Variants in FAM83B observed in about 807,000 individuals in gnomAD.
FAM83B encodes protein FAM83B.
FAM83B carries 26 observed loss-of-function variants against 38.8 expected under a neutral mutation model. The ratio of observed to expected loss-of-function variants is 0.67; its 90% confidence interval spans 0.49 to 0.93. FAM83B has a LOEUF of 0.93. Among genes scored for constraint, FAM83B ranks in the 40% least tolerant of loss-of-function variants. The probability of loss-of-function intolerance (pLI) is 0.00; values close to 1 mark genes in which losing one functional copy is unlikely to be tolerated. For synonymous variants in FAM83B, 419 were observed against 423.1 expected (o/e 0.99, Z 0.12); for missense variants, 1,237 against 1,197.3 (o/e 1.03, Z -0.49).
intron 4 of FAM83B, among the ~76,000 whole-genome samples, chr6:54,933,955 TGG>T (rs973838867): frequency 6.6e-6 from 1 of 152,018 alleles, no homozygotes; most frequent in Non-Finnish European, 1.5e-5. Context: ...CTGTACCATA[TGG>T]GGGAGGAATA....
At chr6:54,861,372 T>C (rs763559625) in intron 1 of FAM83B, among the ~76,000 whole-genome samples, 1 of 152,166 alleles carries the variant, frequency 6.6e-6, no homozygotes, top group South Asian at 2.1e-4. Flanking sequence ...CTGGCCAACA[T>C]GGCAAAACCC....
intron 1 of FAM83B, among the ~76,000 whole-genome samples, chr6:54,854,971 G>A (rs997461977): frequency 2.0e-5 from 3 of 152,102 alleles, no homozygotes; most frequent in African/African-American, 7.2e-5. Flanking sequence ...CAAGACCAAA[G>A]GGCCGCTTCT....
At chr6:54,910,949 C>T (rs1772894203) in intron 2 of FAM83B, among the ~76,000 whole-genome samples, 1 of 152,022 alleles carries the variant, frequency 6.6e-6, no homozygotes, top group African/African-American at 2.4e-5. Context: ...AAACATGCAA[C>T]ATACAATATC....
Position 54,942,355 on chromosome 6 carries a change from A to T in FAM83B, c.*348A>T, listed in dbSNP as rs1026333257. ...GGATTTTAACCATTTCCTTTTAAAA[A>T]GGTCATACTACCCTCAGTAACCCTT... On this transcript the variant is annotated 3_prime_UTR_variant, in exon 5 of 5. Transcript: ENST00000306858. Among the ~76,000 whole-genome samples, 13 of 152,182 alleles carry T rather than the reference A, an allele frequency of 8.5e-5. 1 individual carries two copies. The highest frequency in any genetic ancestry group is 2.9e-4 in the African/African-American group (12 of 41,456).
intron 4 of FAM83B, among the ~76,000 whole-genome samples, chr6:54,934,678 A>G (rs979445745): frequency 3.9e-5 from 6 of 152,080 alleles, no homozygotes; most frequent in African/African-American, 1.4e-4. Context: ...CTTTCTCTGG[A>G]TTGGTTTCTG....
intron 2 of FAM83B, among the ~76,000 whole-genome samples, chr6:54,879,496 G>T (rs1311199762): frequency 6.6e-6 from 1 of 152,194 alleles, no homozygotes; most frequent in Non-Finnish European, 1.5e-5. Flanking sequence ...CTGGGAAGGG[G>T]TCACGTAGGA....
chr6:54,897,091 T>C (rs1405412028), intron 2 of FAM83B, among the ~76,000 whole-genome samples: 2 of 152,160 alleles, frequency 1.3e-5, no homozygotes, highest in East Asian at 3.9e-4. Flanking sequence ...TTACTGTTAA[T>C]ATTATTGTCA....
Position 54,937,822 on chromosome 6 carries a change from G to A in FAM83B, c.735-1884G>A, listed in dbSNP as rs536854311. The stretch of plus-strand genomic sequence containing the variant: ...AATATAATATCAGTTTTTATGCCAC[G>A]AAGTTTTGACACAGATGTAAAATAC... On this transcript the variant is annotated intron_variant, in intron 4 of 4. Coordinates refer to ENST00000306858, the MANE Select transcript of FAM83B (RefSeq NM_001010872.3). 1.2e-4 allele frequency among the ~76,000 whole-genome samples: 18 copies of A among 152,118 alleles called. No individual in the cohort carries two copies. In the South Asian group the frequency reaches 2.5e-3, roughly 21 times the overall value.
intron 1 of FAM83B, among the ~76,000 whole-genome samples, chr6:54,859,270 C>T (rs1407805005): frequency 6.6e-6 from 1 of 152,184 alleles, no homozygotes; most frequent in Non-Finnish European, 1.5e-5. Context: ...CCATGTTGGC[C>T]AGGCTGGAGT....
At chr6:54,883,511 T>C (rs1435735935) in intron 2 of FAM83B, among the ~76,000 whole-genome samples, 1 of 151,392 alleles carries the variant, frequency 6.6e-6, no homozygotes, top group East Asian at 2.0e-4. Flanking sequence ...ATTTTTTGTA[T>C]TTTTAGTAGA....
Position 54,925,361 on chromosome 6 carries a change from G to A in FAM83B, c.445-1010G>A, listed in dbSNP as rs1248673788. ...CCCACTAGAATGTAAGCTTCATAAG[G>A]GCAGGATTTTGTTCTTCTTGCATGG... is the stretch of plus-strand genomic sequence containing the variant. On this transcript the variant is annotated intron_variant, in intron 2 of 4. Coordinates refer to ENST00000306858, the MANE Select transcript of FAM83B (RefSeq NM_001010872.3). Among the ~76,000 whole-genome samples, 3 of 151,932 alleles carry A rather than the reference G, an allele frequency of 2.0e-5. No homozygotes were observed. In the South Asian group the frequency reaches 6.2e-4, roughly 32 times the overall value.
At chr6:54,926,578 A>G in intron 3 of FAM83B, 43 bp downstream of exon 3, 6 of 1,438,414 alleles carry the variant, frequency 4.2e-6, no homozygotes, top group Non-Finnish European at 4.7e-6. Context: ...TTTATGTGTC[A>G]TTTTCAACTC....
intron 2 of FAM83B, among the ~76,000 whole-genome samples, chr6:54,878,646 T>C (rs1401261867): frequency 6.6e-6 from 1 of 152,126 alleles, no homozygotes; most frequent in Non-Finnish European, 1.5e-5. Flanking sequence ...GAGTAGAAGA[T>C]GCATCAGAGA....
chr6:54,873,266 T>C (rs895250320), intron 2 of FAM83B, among the ~76,000 whole-genome samples: 1 of 151,652 alleles, frequency 6.6e-6, no homozygotes, highest in African/African-American at 2.4e-5. Context: ...TTCTCAATTA[T>C]TTTGGAAGAT....
intron 1 of FAM83B, among the ~76,000 whole-genome samples, chr6:54,854,243 A>C (rs1175379573): frequency 2.6e-5 from 4 of 152,330 alleles, no homozygotes; most frequent in Admixed American, 2.6e-4. Context: ...CAAAGAATTT[A>C]GAATATTATA....
intron 2 of FAM83B, among the ~76,000 whole-genome samples, chr6:54,908,086 A>T (rs1236928867): frequency 4.0e-5 from 6 of 151,656 alleles, no homozygotes; most frequent in African/African-American, 1.5e-4. Context: ...GTTGCTGTCT[A>T]ATTTGTTGAC....
chr6:54,919,037 G>A (rs1250838342), intron 2 of FAM83B, among the ~76,000 whole-genome samples: 2 of 152,068 alleles, frequency 1.3e-5, no homozygotes, highest in South Asian at 2.1e-4. Context: ...GGGCCCATGC[G>A]TGGGACACTT....
chr6:54,892,403 C>T (rs1772426340), intron 2 of FAM83B, among the ~76,000 whole-genome samples: 1 of 151,968 alleles, frequency 6.6e-6, no homozygotes, highest in East Asian at 1.9e-4. Flanking sequence ...GTTATTTTTC[C>T]TGATCCTCTC....
At chr6:54,871,555 C>CAATAATAATAAT (rs3064912) in intron 2 of FAM83B, among the ~76,000 whole-genome samples, 20 of 127,150 alleles carry the variant, frequency 1.6e-4, no homozygotes, top group Non-Finnish European at 2.0e-4. Context: ...CTCGTCTCTA[C>CAATAATAATAAT]AATAATAATA....
Sources: gnomAD v4.1 joint callset for allele counts (sites outside exome capture counted in the v4.1 genomes callset) on GRCh38, gnomAD v4.1.1 for gene constraint, MANE v1.5 for transcripts, NCBI Gene and HGNC (gene_info 2026-07-23, HGNC 2026-07-21) for gene names.